PAK6: variants seen among roughly 807,000 people sequenced by gnomAD.
PAK6 encodes the protein serine/threonine-protein kinase PAK 6.
A neutral mutation model predicts 60.8 loss-of-function variants in PAK6; 33 were observed. That is an observed-to-expected ratio of 0.54 (90% CI 0.41 to 0.73). PAK6 has a LOEUF of 0.73. Among genes scored for constraint, PAK6 ranks in the 30% least tolerant of loss-of-function variants. The pLI, the probability that PAK6 is intolerant of heterozygous loss-of-function variation, is 0.00. For synonymous variants in PAK6, 404 were observed against 378.5 expected (o/e 1.07, Z -0.78); for missense variants, 845 against 904.1 (o/e 0.93, Z 0.84).
At chr15:40,252,569 C>T (rs372777407) in intron 2 of PAK6, 3 of 1,359,340 alleles carry the variant, frequency 2.2e-6, no homozygotes, top group African/African-American at 3.0e-5. Context: ...CAGGTGAAGC[C>T]GGCGCTGCAC....
intron 2 of PAK6, among the ~76,000 whole-genome samples, chr15:40,250,322 C>T (rs2038627845): frequency 6.6e-6 from 1 of 152,180 alleles, no homozygotes; most frequent in African/African-American, 2.4e-5. Context: ...ATCGTGCAAC[C>T]CGGTGCAGCT....
At chr15:40,266,279 G>T (rs2039132319) in exon 5 of PAK6, 1 of 1,611,572 alleles carries the variant, frequency 6.2e-7, no homozygotes, top group Non-Finnish European at 8.5e-7. Context: ...GCACCAATAG[G>T]CATGGAATGA....
At chr15:40,242,018 C>T (rs1040210266) in intron 2 of PAK6, among the ~76,000 whole-genome samples, 13 of 145,522 alleles carry the variant, frequency 8.9e-5, no homozygotes, top group Admixed American at 1.4e-4. Flanking sequence ...TGAGCAGGGG[C>T]TGCTGCCCAG....
chr15:40,240,555 T>C (rs1251700277), intron 1 of PAK6, 44 bp from the exon 2 acceptor site: 2 of 408,248 alleles, frequency 4.9e-6, no homozygotes, highest in Admixed American at 3.2e-5. Flanking sequence ...ACTGAGGTTT[T>C]CTTTTCCTTT....
intron 5 of PAK6, chr15:40,266,737 TTC>T: frequency 2.2e-6 from 1 of 458,532 alleles, no homozygotes; most frequent in Non-Finnish European, 3.8e-6. Context: ...TCAGTATTTG[TTC>T]CCAAGTGTGT....
At chr15:40,275,782 C>T in intron 10 of PAK6, 145 bp from the exon 11 acceptor site, 1 of 714,390 alleles carries the variant, frequency 1.4e-6, no homozygotes, top group Non-Finnish European at 2.4e-6. Flanking sequence ...ATGCTGAGAG[C>T]CTTGAGGGGG....
chr15:40,264,832 A>G, exon 4 of PAK6: 5 of 1,614,024 alleles, frequency 3.1e-6, no homozygotes, highest in Non-Finnish European at 4.2e-6. Context: ...TCAGCGCCAC[A>G]GAACTTCCAG....
At chr15:40,262,527 C>A (rs201877838) in intron 3 of PAK6, among the ~76,000 whole-genome samples, 1 of 135,142 alleles carries the variant, frequency 7.4e-6, no homozygotes, top group Non-Finnish European at 1.5e-5. Context: ...ACAACAACAA[C>A]AAACAACAAC....
intron 3 of PAK6, among the ~76,000 whole-genome samples, chr15:40,258,343 G>A (rs2038893554): frequency 6.6e-6 from 1 of 152,222 alleles, no homozygotes; most frequent in South Asian, 2.1e-4. Flanking sequence ...AAGCATGGTG[G>A]ACGGAGCAGG....
chr15:40,273,228 A>G, intron 7 of PAK6, 118 bp from the exon 8 acceptor site: 1 of 1,317,774 alleles, frequency 7.6e-7, no homozygotes, highest in South Asian at 1.4e-5. Context: ...TGTGCTGCCA[A>G]ACAGATTGCC....
chr15:40,262,774 C>T (rs932054662), intron 3 of PAK6, among the ~76,000 whole-genome samples: 5 of 152,202 alleles, frequency 3.3e-5, no homozygotes, highest in African/African-American at 1.2e-4. Context: ...GAGAAACAAC[C>T]GTCATGTATG....
intron 10 of PAK6, among the ~76,000 whole-genome samples, chr15:40,275,216 C>G (rs758270762): frequency 1.8e-4 from 27 of 147,804 alleles, no homozygotes; most frequent in South Asian, 1.3e-3. Flanking sequence ...TTTCAGGTCT[C>G]ACTTTATTTT....
At chr15:40,243,488 A>G (rs1260767152) in intron 2 of PAK6, among the ~76,000 whole-genome samples, 2 of 152,228 alleles carry the variant, frequency 1.3e-5, no homozygotes, top group Non-Finnish European at 2.9e-5. Flanking sequence ...GAATGCTCTG[A>G]ATGGCATGAC....
chr15:40,255,777 A>C (rs1488127717), intron 3 of PAK6, among the ~76,000 whole-genome samples: 1 of 152,128 alleles, frequency 6.6e-6, no homozygotes, highest in Non-Finnish European at 1.5e-5. Context: ...CAGGGGCTGC[A>C]GGGGGAGCTT....
intron 5 of PAK6, among the ~76,000 whole-genome samples, chr15:40,268,707 TAA>T (rs2039217439): frequency 1.3e-5 from 2 of 152,164 alleles, no homozygotes; most frequent in Non-Finnish European, 2.9e-5. Context: ...TCACTCTAGC[TAA>T]AGAGATCAGG....
At chr15:40,252,181 T>G in intron 2 of PAK6, 1 of 912,100 alleles carries the variant, frequency 1.1e-6, no homozygotes, top group Non-Finnish European at 1.4e-6. Flanking sequence ...CCAGGATGTG[T>G]GGGTGGGCAC....
At chr15:40,242,819 G>A (rs1028677048) in intron 2 of PAK6, among the ~76,000 whole-genome samples, 6 of 152,192 alleles carry the variant, frequency 3.9e-5, no homozygotes, top group African/African-American at 1.4e-4. Flanking sequence ...GGAGGGTGTG[G>A]GGTCCAGGCA....
chr15:40,244,737 G>A (rs914919709), intron 2 of PAK6, among the ~76,000 whole-genome samples: 1 of 152,156 alleles, frequency 6.6e-6, no homozygotes, highest in African/African-American at 2.4e-5. Context: ...ATGAATTTAG[G>A]AAAGGTAATC....
chr15:40,261,249 G>T (rs1462049521), intron 3 of PAK6, among the ~76,000 whole-genome samples: 1 of 149,688 alleles, frequency 6.7e-6, no homozygotes, highest in African/African-American at 2.4e-5. Flanking sequence ...TTAAAATATT[G>T]ACCTTGAGCC....
Sources: gnomAD v4.1 joint callset for allele counts (sites outside exome capture counted in the v4.1 genomes callset) on GRCh38, gnomAD v4.1.1 for gene constraint, MANE v1.5 for transcripts, NCBI Gene and HGNC (gene_info 2026-07-23, HGNC 2026-07-21) for gene names.